Variants in EFCC1 observed in about 807,000 individuals in gnomAD.
EFCC1 encodes EF-hand and coiled-coil domain containing 1, also known as EF-hand and coiled-coil domain-containing protein 1.
EFCC1 carries 50 observed loss-of-function variants against 52.1 expected under a neutral mutation model. The ratio of observed to expected loss-of-function variants is 0.96; its 90% CI spans 0.76 to 1.21. EFCC1 has a LOEUF of 1.21. Among genes scored for constraint, EFCC1 ranks in the 50% most tolerant of loss-of-function variants. The pLI is 0.00. For missense variants in EFCC1, 837 were observed against 867.3 expected, an observed-to-expected ratio of 0.97 and a Z score of 0.44; for synonymous variants, 399 against 396.5, an observed-to-expected ratio of 1.01 and a Z score of -0.08.
intron 2 of EFCC1, among the ~76,000 whole-genome samples, chr3:129,017,210 G>A (rs930824511): frequency 3.3e-5 from 5 of 152,222 alleles, no homozygotes; most frequent in Non-Finnish European, 7.3e-5. Flanking sequence ...TTGAGGCTTC[G>A]TGAAGGCGGC....
At chr3:129,017,891 G>A (rs2107902645) in intron 2 of EFCC1, among the ~76,000 whole-genome samples, 2 of 152,286 alleles carry the variant, frequency 1.3e-5, no homozygotes, top group South Asian at 4.1e-4. Context: ...ACATTTCACT[G>A]GAAAGAAAGT....
At chr3:129,026,363 A>T (rs1946108738) in intron 2 of EFCC1, among the ~76,000 whole-genome samples, 1 of 151,962 alleles carries the variant, frequency 6.6e-6, no homozygotes, top group Admixed American at 6.5e-5. Context: ...TAGGGAATAG[A>T]AGAAGCAGCA....
chr3:129,015,102 C>T (rs61548092), intron 2 of EFCC1, among the ~76,000 whole-genome samples: 11,555 of 152,224 alleles, frequency 0.076, 1,261 homozygotes, highest in African/African-American at 0.23. Context: ...ACCTCGGGCT[C>T]GCCCACTCAC....
At chr3:129,019,764 C>CTTTTTTTTTTTT (rs760118112) in intron 2 of EFCC1, among the ~76,000 whole-genome samples, 2 of 107,424 alleles carry the variant, frequency 1.9e-5, no homozygotes, top group Admixed American at 1.0e-4. Flanking sequence ...ATTAAATTTA[C>CTTTTTTTTTTTT]TTTTTTTTTT....
chr3:129,002,279 GCGCGCCGCGCTGCAGAGC>G lies in EFCC1; in HGVS notation c.652_669del (p.Arg218_Ser223del). 1 of 1,529,594 alleles carries G rather than the reference GCGCGCCGCGCTGCAGAGC, an allele frequency of 6.5e-7. No individual in the cohort carries two copies. Among genetic ancestry groups the G allele is most frequent in the Non-Finnish European group, 8.7e-7 (1 of 1,144,374 alleles). 94.8% of individuals were successfully genotyped at this position (1,529,594 alleles called of 1,614,324 possible). ...GCTTGCGCGAGTTGGTGGAGGACCT[GCGCGCCGCGCTGCAGAGC>G]AGTGATGCGCGCTGCCTAGCACTGC... On this transcript the variant is annotated inframe_deletion, in exon 1 of 8. Transcript: ENST00000683648.
At chr3:129,039,114 G>A (rs1450666706) in intron 7 of EFCC1, among the ~76,000 whole-genome samples, 1 of 152,186 alleles carries the variant, frequency 6.6e-6, no homozygotes, top group African/African-American at 2.4e-5. Flanking sequence ...GTGAGGGGAT[G>A]GGTGGGCGCC....
Position 129,002,014 on chromosome 3 carries a change from C to A in EFCC1, c.386C>A (p.Ala129Glu). ...GGGGACTCAGATACCGATGAAGAGG[C>A]GCGCCTGGCGCTGCGCGCCGAGCCG... ...TDGDSDTDEE[A>E]RLALRAEPPE... is the part of the protein sequence containing the mutation. The change falls in exon 1 of 8, where the codon GCG becomes GAG. Residue 129 changes from alanine to glutamate, a missense_variant. Ala to Glu is a moderately radical substitution (Grantham distance 107). Coordinates refer to ENST00000683648, the MANE Select transcript of EFCC1 (RefSeq NM_001377500.1). 6.5e-7 allele frequency: 1 copy of A among 1,545,688 alleles called. No individual in the cohort carries two copies. Among genetic ancestry groups the A allele is most frequent in the Non-Finnish European group, 8.7e-7 (1 of 1,145,124 alleles).
Position 129,001,786 on chromosome 3 carries a change from C to G in EFCC1, c.158C>G (p.Thr53Ser). The G allele has an allele frequency of 1.3e-6, 2 of 1,543,644 alleles. No individual in the cohort carries two copies. Among genetic ancestry groups the G allele is most frequent in the Non-Finnish European group, 1.7e-6 (2 of 1,145,462 alleles). ...GVENEIVVLA[T>S]GLDQYLQEVF... ...GAGAACGAGATCGTGGTGCTGGCCA[C>G]CGGCCTGGACCAGTACCTGCAGGAG... is the stretch of plus-strand genomic sequence containing the variant. Residue 53 changes from threonine (T) to serine (S), a missense_variant, in exon 1 of 8, where the codon ACC (threonine) becomes AGC (serine). Transcript: ENST00000683648.
chr3:129,006,143 A>G (rs1576704162), intron 2 of EFCC1, among the ~76,000 whole-genome samples: 2 of 152,238 alleles, frequency 1.3e-5, no homozygotes, highest in African/African-American at 4.8e-5. Context: ...AAGGCCACAC[A>G]GCCAGAAAGT....
intron 2 of EFCC1, among the ~76,000 whole-genome samples, chr3:129,023,943 C>G (rs539903408): frequency 6.6e-6 from 1 of 152,286 alleles, no homozygotes; most frequent in South Asian, 2.1e-4. Context: ...CTGGAACAAT[C>G]CAAGAGCAGG....
At chr3:129,009,368 T>C (rs114169032) in intron 2 of EFCC1, among the ~76,000 whole-genome samples, 7,560 of 152,218 alleles carry the variant, frequency 0.05, 606 homozygotes, top group African/African-American at 0.17. Context: ...TCTGCTTTAC[T>C]CTCTGGCAAA....
chr3:129,015,691 G>A (rs1183527229), intron 2 of EFCC1, among the ~76,000 whole-genome samples: 2 of 152,090 alleles, frequency 1.3e-5, no homozygotes, highest in African/African-American at 4.8e-5. Context: ...AATTCAGGTA[G>A]GGACCAGAGA....
In EFCC1 at chr3:129,030,807, C is replaced by T. The variant is rs370403458; in HGVS notation, c.1085C>T (p.Pro362Leu). 40 of 1,551,614 alleles carry T rather than the reference C, an allele frequency of 2.6e-5. No homozygotes were observed. In the African/African-American group the frequency reaches 4.9e-4, roughly 19 times the overall value. The change falls in exon 3 of 8, where the codon CCA becomes CTA. Residue 362 changes from proline to leucine, a missense_variant. Coordinates refer to ENST00000683648, the MANE Select transcript of EFCC1 (RefSeq NM_001377500.1). ...DAGTRDPDPT[P>L]EGAWQSDSSS... ...GGGACCAGAGACCCAGACCCCACTC[C>T]AGAGGGAGCCTGGCAGTCAGACAGC...
intron 7 of EFCC1, 65 bp downstream of exon 7, chr3:129,038,965 T>C: frequency 7.5e-7 from 1 of 1,335,622 alleles, no homozygotes; most frequent in Non-Finnish European, 1.1e-6. Flanking sequence ...AGGAGGAGAC[T>C]CCAGTGTGCT....
At chr3:129,034,092 C>T (rs1946323717) in intron 4 of EFCC1, 72 bp from the exon 5 acceptor site, 1 of 1,587,704 alleles carries the variant, frequency 6.3e-7, no homozygotes, top group African/African-American at 1.3e-5. Flanking sequence ...ACCACCACCA[C>T]CTCTCCAAGG....
chr3:129,012,976 A>G (rs894447234), intron 2 of EFCC1, among the ~76,000 whole-genome samples: 1 of 152,160 alleles, frequency 6.6e-6, no homozygotes, highest in East Asian at 1.9e-4. Flanking sequence ...CAAAGAGAGA[A>G]TCTCTTCTCA....
At chr3:129,032,069 T>C (rs1333166468) in intron 3 of EFCC1, among the ~76,000 whole-genome samples, 1 of 152,156 alleles carries the variant, frequency 6.6e-6, no homozygotes, top group Non-Finnish European at 1.5e-5. Context: ...CCAGGCTTCC[T>C]GATGCTGACA....
intron 2 of EFCC1, among the ~76,000 whole-genome samples, chr3:129,025,956 C>T (rs1372181921): frequency 6.6e-6 from 1 of 152,258 alleles, no homozygotes; most frequent in Non-Finnish European, 1.5e-5. Context: ...TTCCCTTGTG[C>T]CTGGCATGTG....
chr3:129,028,081 CTT>C (rs11333801), intron 2 of EFCC1, among the ~76,000 whole-genome samples: 8 of 144,124 alleles, frequency 5.6e-5, no homozygotes, highest in Admixed American at 2.7e-4. Context: ...CCATTTCATT[CTT>C]TTTTTTTTTT....
Sources: allele counts gnomAD v4.1 joint callset (sites outside exome capture counted in the v4.1 genomes callset), GRCh38; gene constraint gnomAD v4.1.1; transcripts MANE v1.5; gene names NCBI Gene and HGNC (gene_info 2026-07-23, HGNC 2026-07-21).